The following CALD1 variants were observed in gnomAD, a reference collection of about 807,000 sequenced individuals.
CALD1 encodes the protein caldesmon.
A neutral mutation model predicts 99.9 loss-of-function variants in CALD1; 33 were observed. The observed-to-expected ratio is 0.33, with a 90% CI of 0.25 to 0.44. CALD1 has a LOEUF of 0.44. Among genes scored for constraint, CALD1 ranks in the 20% least tolerant of loss-of-function variants. The probability of loss-of-function intolerance (pLI) is 1.00; values close to 1 mark genes in which losing one functional copy is unlikely to be tolerated. For synonymous variants in CALD1, 310 were observed against 325.0 expected, an observed-to-expected ratio of 0.95 and a Z score of 0.50; for missense variants, 861 against 962.1, an observed-to-expected ratio of 0.89 and a Z score of 1.39.
intron 1 of CALD1, among the ~76,000 whole-genome samples, chr7:134,752,783 C>T (rs755532750): frequency 6.6e-5 from 10 of 151,892 alleles, no homozygotes; most frequent in South Asian, 4.2e-4. Flanking sequence ...GGCAGATCAC[C>T]GGAGGTAAGG....
intron 3 of CALD1, among the ~76,000 whole-genome samples, chr7:134,916,148 TG>T (rs1440075261): frequency 1.3e-5 from 2 of 151,952 alleles, no homozygotes; most frequent in African/African-American, 4.8e-5. Context: ...GCACATGGAG[TG>T]GGGGTATGAG....
intron 1 of CALD1, among the ~76,000 whole-genome samples, chr7:134,784,657 G>T (rs995492068): frequency 2.6e-5 from 4 of 152,166 alleles, no homozygotes; most frequent in Non-Finnish European, 5.9e-5. Context: ...AACTTTGGTA[G>T]CTCAAGTAAA....
intron 3 of CALD1, among the ~76,000 whole-genome samples, chr7:134,878,082 C>T (rs1214680714): frequency 1.3e-5 from 2 of 152,120 alleles, no homozygotes; most frequent in African/African-American, 4.8e-5. Flanking sequence ...ACCTCCCCAC[C>T]CACAGAGGTA....
chr7:134,914,693 T>G (rs1458428640), intron 3 of CALD1, among the ~76,000 whole-genome samples: 1 of 152,210 alleles, frequency 6.6e-6, no homozygotes, highest in Non-Finnish European at 1.5e-5. Context: ...TTCTGCAACC[T>G]TGCTATTTGA....
At position 134,830,293 on chromosome 7, in the gene CALD1, C is replaced by G. The variant is rs905348772; in HGVS notation, c.-129-13591C>G. ...AATTTATTCTTTCTTCACCCTTCCT[C>G]TGTGTGTGTCCAAATATAATGCAGT... On this transcript the variant is annotated intron_variant, in intron 1 of 14. Transcript: ENST00000361675. Among the ~76,000 whole-genome samples the G allele has an allele frequency of 2.0e-5, 3 of 152,282 alleles. No individual in the cohort carries two copies. The East Asian group carries it at 5.8e-4, about 29-fold the overall frequency.
chr7:134,823,113 C>T (rs1798847592), intron 1 of CALD1, among the ~76,000 whole-genome samples: 1 of 152,140 alleles, frequency 6.6e-6, no homozygotes, highest in Admixed American at 6.6e-5. Flanking sequence ...AGATGTATGC[C>T]TCTATATGTA....
chr7:134,784,127 T>C (rs1351408036), intron 1 of CALD1, among the ~76,000 whole-genome samples: 1 of 152,236 alleles, frequency 6.6e-6, no homozygotes, highest in African/African-American at 2.4e-5. Context: ...TGAAAATATA[T>C]GTATATGTAT....
intron 7 of CALD1, among the ~76,000 whole-genome samples, chr7:134,942,083 G>A (rs1406497976): frequency 6.6e-6 from 1 of 152,152 alleles, no homozygotes; most frequent in Non-Finnish European, 1.5e-5. Flanking sequence ...TCCAACCACT[G>A]GGGCCAAATT....
intron 1 of CALD1, among the ~76,000 whole-genome samples, chr7:134,792,891 A>G (rs1199526955): frequency 6.6e-6 from 1 of 152,230 alleles, no homozygotes; most frequent in Non-Finnish European, 1.5e-5. Context: ...GCTTTGCTAG[A>G]AATCCCTTGG....
chr7:134,892,044 C>A lies in CALD1; in HGVS notation c.71+24240C>A, dbSNP rs551138013. ...ACCTTAGCCCTCCGTTCAGAATGAT[C>A]CATTTGCAGGGCTCAGAGATTTTGG... is the stretch of plus-strand genomic sequence containing the variant. On this transcript the variant is annotated intron_variant, in intron 3 of 14. Coordinates refer to ENST00000361675, the MANE Select transcript of CALD1 (RefSeq NM_033138.4). Among the ~76,000 whole-genome samples the A allele has an allele frequency of 2.0e-4, 30 of 152,300 alleles. No homozygotes were observed. The South Asian group carries it at 5.8e-3, about 29-fold the overall frequency.
intron 3 of CALD1, among the ~76,000 whole-genome samples, chr7:134,927,226 T>A (rs1190452857): frequency 1.3e-5 from 2 of 152,120 alleles, no homozygotes; most frequent in Non-Finnish European, 2.9e-5. Flanking sequence ...CAGCCCCAAT[T>A]CTTTATTTGG....
At chr7:134,797,007 T>C (rs563576100) in intron 1 of CALD1, among the ~76,000 whole-genome samples, 1 of 152,042 alleles carries the variant, frequency 6.6e-6, no homozygotes, top group South Asian at 2.1e-4. Flanking sequence ...TCCTCTAATG[T>C]AGTAAGAATT....
chr7:134,771,158 T>C lies in CALD1; in HGVS notation c.-130+26795T>C, dbSNP rs566993287. Among the ~76,000 whole-genome samples the C allele has an allele frequency of 5.3e-5, 8 of 152,324 alleles. No individual in the cohort carries two copies. In the South Asian group the frequency reaches 1.7e-3, roughly 32 times the overall value. ...TAGCTCCCACATCTCCGCTCTTTTC[T>C]GTCTGCACTCCCTCAGGTAACTCAT... On this transcript the variant is annotated intron_variant, in intron 1 of 13. Coordinates refer to the CALD1 transcript ENST00000417172.
At chr7:134,732,278 A>G in the CALD1 span, among the ~76,000 whole-genome samples, 1 of 152,218 alleles carries the variant, frequency 6.6e-6, no homozygotes, top group Non-Finnish European at 1.5e-5. Flanking sequence ...AATACTTTCA[A>G]GGGCCACCCA....
intron 3 of CALD1, among the ~76,000 whole-genome samples, chr7:134,895,242 A>T (rs1470872568): frequency 6.6e-6 from 1 of 151,578 alleles, no homozygotes; most frequent in African/African-American, 2.4e-5. Context: ...ATTCAATGTT[A>T]TCAGGAAATG....
chr7:134,732,370 A>C, the CALD1 span, among the ~76,000 whole-genome samples: 2 of 152,230 alleles, frequency 1.3e-5, no homozygotes, highest in African/African-American at 4.8e-5. Context: ...ATGTTGAAAC[A>C]ATCACCAATA....
In CALD1 at chr7:134,970,489, G is replaced by A. The variant is rs758186945; in HGVS notation, c.*2144G>A. On this transcript the variant is annotated 3_prime_UTR_variant, in exon 15 of 15. Transcript: ENST00000361675. ...GACTATAATTCTCTGTTATCTTTAC[G>A]AGGTAAAACTGCAAGCTGACTAGCA... is the stretch of plus-strand genomic sequence containing the variant. 6.6e-6 allele frequency: 1 copy of A among 152,562 alleles called. No homozygotes were observed. The highest frequency in any genetic ancestry group is 1.5e-5 in the Non-Finnish European group (1 of 68,036). 9.5% of individuals were successfully genotyped at this position (152,562 alleles called of 1,614,324 possible). A position where few individuals can be genotyped will look rare whatever the true frequency, so the allele number is the denominator to read the frequency against.
chr7:134,947,069 C>T (rs139127260), intron 7 of CALD1, among the ~76,000 whole-genome samples: 11 of 152,274 alleles, frequency 7.2e-5, no homozygotes, highest in African/African-American at 2.4e-4. Context: ...ATGATGGACA[C>T]TTGGGTTGCG....
chr7:134,761,875 GAA>G, intron 1 of CALD1, among the ~76,000 whole-genome samples: 1 of 152,098 alleles, frequency 6.6e-6, no homozygotes, highest in Non-Finnish European at 1.5e-5. Context: ...TATTATTTTT[GAA>G]ATATTTGCAA....
Sources: allele counts gnomAD v4.1 joint callset (sites outside exome capture counted in the v4.1 genomes callset), GRCh38; gene constraint gnomAD v4.1.1; transcripts MANE v1.5; gene names NCBI Gene and HGNC (gene_info 2026-07-23, HGNC 2026-07-21).